PGBD5: variants seen among roughly 807,000 people sequenced by gnomAD.
The protein encoded by PGBD5 is piggyBac transposable element-derived protein 5.
In PGBD5, 14 loss-of-function variants were observed where a neutral mutation model predicts 47.9. That is an observed-to-expected ratio of 0.29 (90% CI 0.19 to 0.46). PGBD5 has a LOEUF of 0.46. PGBD5 is among the 20% of genes least tolerant of loss of function. The probability of loss-of-function intolerance (pLI) is 1.00; values close to 1 mark genes in which losing one functional copy is unlikely to be tolerated. For missense variants in PGBD5, 635 were observed against 716.0 expected (o/e 0.89, Z 1.29); for synonymous variants, 316 against 306.3 (o/e 1.03, Z -0.33).
chr1:230,392,593 G>A (rs270854), intron 1 of PGBD5, among the ~76,000 whole-genome samples: 3 of 152,002 alleles, frequency 2.0e-5, no homozygotes, highest in Non-Finnish European at 4.4e-5. Context: ...TGCCTCCTCC[G>A]GACTCTCCTC....
chr1:230,375,084 C>T (rs1440992430), intron 1 of PGBD5, among the ~76,000 whole-genome samples: 1 of 152,088 alleles, frequency 6.6e-6, no homozygotes, highest in Non-Finnish European at 1.5e-5. Flanking sequence ...ACCTAAGTTT[C>T]CAAGGAGGAA....
rs1571835308 is a variant in PGBD5, at chr1:230,351,099, G to C, written c.760-7C>G. ...TCAGGGGTTCATGTAGCACCTGCCA[G>C]GAGGGAAAAAGCAGAGGCTCTCACG... On this transcript the variant is annotated splice_region_variant and splice_polypyrimidine_tract_variant and intron_variant, in intron 2 of 6. Coordinates refer to ENST00000391860, the MANE Select transcript of PGBD5 (RefSeq NM_001258311.2). 6.2e-7 allele frequency: 1 copy of C among 1,608,694 alleles called. No individual in the cohort carries two copies. Among genetic ancestry groups the C allele is most frequent in the East Asian group, 2.2e-5 (1 of 44,578 alleles).
chr1:230,329,357 C>G (rs140612714), intron 5 of PGBD5, among the ~76,000 whole-genome samples: 11 of 152,218 alleles, frequency 7.2e-5, no homozygotes, highest in Non-Finnish European at 1.5e-4. Flanking sequence ...AAAAAATTAA[C>G]CAATTCCTAA....
chr1:230,339,783 A>G (rs1271422832), intron 3 of PGBD5, among the ~76,000 whole-genome samples: 1 of 152,214 alleles, frequency 6.6e-6, no homozygotes, highest in Non-Finnish European at 1.5e-5. Context: ...TCCCACTTGC[A>G]TGTGAACTTC....
At chr1:230,401,019 A>G (rs1657125207) in intron 1 of PGBD5, among the ~76,000 whole-genome samples, 1 of 152,236 alleles carries the variant, frequency 6.6e-6, no homozygotes, top group Non-Finnish European at 1.5e-5. Flanking sequence ...CACCCTGAGA[A>G]GCACGCATAT....
intron 1 of PGBD5, among the ~76,000 whole-genome samples, chr1:230,419,617 A>G (rs1200523171): frequency 6.6e-6 from 1 of 152,140 alleles, no homozygotes; most frequent in Non-Finnish European, 1.5e-5. Context: ...GAGCCATCTT[A>G]CTCTTACTGG....
rs951671607 is a variant in PGBD5, at chr1:230,368,895, C to A, written c.332-11574G>T. On this transcript the variant is annotated intron_variant, in intron 1 of 6. Transcript: ENST00000391860. Reference sequence around the variant, plus strand: ...TGGAATGTAGGCCTTTGTTCTTATACACAAGTGAGGTTCAACACACAGTCT... The same window carrying A: ...TGGAATGTAGGCCTTTGTTCTTATAAACAAGTGAGGTTCAACACACAGTCT... Among the ~76,000 whole-genome samples, 37 of 152,266 alleles carry A rather than the reference C, an allele frequency of 2.4e-4. 1 individual carries two copies. The highest frequency in any genetic ancestry group is 4.8e-5 in the African/African-American group (2 of 41,478).
At chr1:230,329,902 G>A (rs1667185683) in intron 5 of PGBD5, among the ~76,000 whole-genome samples, 1 of 152,186 alleles carries the variant, frequency 6.6e-6, no homozygotes, top group Non-Finnish European at 1.5e-5. Context: ...CTGGCCTTGG[G>A]ACAGAGCAGA....
rs994568657 is a variant in PGBD5, at chr1:230,323,125, A to C, written c.*300T>G. The C allele has an allele frequency of 8.2e-6, 3 of 367,304 alleles. No homozygotes were observed. Among genetic ancestry groups the C allele is most frequent in the African/African-American group, 6.1e-5 (3 of 49,154 alleles). The allele number at this position is 367,304 out of a possible 1,614,324, so 22.8% of individuals were successfully genotyped here. A position where few individuals can be genotyped will look rare whatever the true frequency, so the allele number is the denominator to read the frequency against. On this transcript the variant is annotated 3_prime_UTR_variant, in exon 7 of 7. Transcript: ENST00000391860. The surrounding 1 kb of genome is among the most constrained non-coding windows in gnomAD (Gnocchi z 4.1). ...GGCCTTCCTTCACAGTCACCAGTCC[A>C]CGCTGCCTCGCAAGCTCCACGGATG...
chr1:230,347,709 C>A (rs887618835), intron 3 of PGBD5, among the ~76,000 whole-genome samples: 8 of 152,046 alleles, frequency 5.3e-5, no homozygotes, highest in African/African-American at 9.7e-5. Flanking sequence ...CTGGAACACA[C>A]CTGGACCCCC....
rs1657767507 is a variant in PGBD5, at chr1:230,425,830, G to A, written c.99C>T (p.Phe33=). 4.1e-6 allele frequency: 5 copies of A among 1,205,618 alleles called. No homozygotes were observed. The African/African-American group carries it at 6.4e-5, about 15-fold the overall frequency. 74.7% of individuals were successfully genotyped at this position (1,205,618 alleles called of 1,614,324 possible). A position where few individuals can be genotyped will look rare whatever the true frequency, so the allele number is the denominator to read the frequency against. Residue 33 remains phenylalanine (F), a synonymous_variant, in exon 1 of 7, where the codon TTC becomes TTT. Coordinates refer to ENST00000391860, the MANE Select transcript of PGBD5 (RefSeq NM_001258311.2). This position sits in a 1 kb window ranked among gnomAD's most constrained non-coding sequence, Gnocchi z 4.7. ...YESLHISDDV[F]GESGPDSGGN... is the part of the protein sequence containing the mutation. ...CGCCGCTGTCCGGGCCGGACTCGCC[G>A]AACACGTCGTCCGAGATGTGCAGGC...
chr1:230,383,198 T>C lies in PGBD5; in HGVS notation c.332-25877A>G, dbSNP rs557590433. Among the ~76,000 whole-genome samples, 13 of 151,640 alleles carry C rather than the reference T, an allele frequency of 8.6e-5. No individual in the cohort carries two copies. In the South Asian group the frequency reaches 2.3e-3, roughly 27 times the overall value. On this transcript the variant is annotated intron_variant, in intron 1 of 6. Transcript: ENST00000391860. ...AATCCTCCCACCTCAGCCTCCAGAG[T>C]AGCTGGGACCATAAGCATGCACCAC...
intron 1 of PGBD5, chr1:230,367,916 G>C (rs774855173): frequency 7.4e-7 from 1 of 1,345,430 alleles, no homozygotes; most frequent in African/African-American, 1.5e-5. Flanking sequence ...GAGGCTCGGG[G>C]AAGAGAACTT....
intron 1 of PGBD5, among the ~76,000 whole-genome samples, chr1:230,419,171 T>C (rs997010496): frequency 6.8e-6 from 1 of 147,072 alleles, no homozygotes; most frequent in African/African-American, 2.5e-5. Context: ...TGCCCATCAA[T>C]GGTGGACTGG....
intron 5 of PGBD5, among the ~76,000 whole-genome samples, chr1:230,331,456 T>C (rs1465880751): frequency 6.6e-6 from 1 of 152,006 alleles, no homozygotes; most frequent in Non-Finnish European, 1.5e-5. Flanking sequence ...TAGGAAGCAG[T>C]TCCTGCCCCT....
intron 1 of PGBD5, among the ~76,000 whole-genome samples, chr1:230,420,735 T>C (rs1657628397): frequency 6.6e-6 from 1 of 152,254 alleles, no homozygotes; most frequent in African/African-American, 2.4e-5. Flanking sequence ...AATAAACCTC[T>C]TTCTTTTATA....
At chr1:230,398,960 A>C (rs1657069619) in intron 1 of PGBD5, among the ~76,000 whole-genome samples, 1 of 152,050 alleles carries the variant, frequency 6.6e-6, no homozygotes, top group South Asian at 2.1e-4. Flanking sequence ...CTCCGACAAG[A>C]GGGAAAGACA....
In PGBD5 at chr1:230,337,158, G is replaced by A. The variant is rs757812989; in HGVS notation, c.1025C>T (p.Thr342Met). The change falls in exon 4 of 7, where the codon ACG (threonine) becomes ATG (methionine). Residue 342 changes from threonine (T) to methionine (M), a missense_variant. Thr to Met is a moderately conservative substitution (Grantham distance 81). Transcript: ENST00000391860. ...CGTCAGGCTGGTGATGCTGGGCCCC[G>A]TGAAAATGATGTAGTTCTTGCCTGC... Reference protein sequence around the residue: ...NAAGKNYIIFTGPSITSLTLF... With the variant: ...NAAGKNYIIFMGPSITSLTLF... 1.1e-5 allele frequency: 18 copies of A among 1,614,046 alleles called. No individual in the cohort carries two copies. Among genetic ancestry groups the A allele is most frequent in the Admixed American group, 3.3e-5 (2 of 59,998 alleles).
chr1:230,325,201 A>C, intron 6 of PGBD5, 109 bp downstream of exon 6: 1 of 848,610 alleles, frequency 1.2e-6, no homozygotes, highest in Non-Finnish European at 1.9e-6. Context: ...CAGGGTCTTC[A>C]TCCTGCAGTT....
Sources: allele counts gnomAD v4.1 joint callset (sites outside exome capture counted in the v4.1 genomes callset), GRCh38; gene constraint gnomAD v4.1.1; non-coding constraint Gnocchi (gnomAD v3.1); transcripts MANE v1.5; gene names NCBI Gene and HGNC (gene_info 2026-07-23, HGNC 2026-07-21).